The following ADAM12 variants were observed in gnomAD, a reference collection of about 807,000 sequenced individuals.
ADAM12 encodes the protein disintegrin and metalloproteinase domain-containing protein 12.
In ADAM12, 70 loss-of-function variants were observed where a neutral mutation model predicts 106.4. The ratio of observed to expected loss-of-function variants is 0.66; its 90% CI spans 0.54 to 0.80. ADAM12 has a LOEUF of 0.80. Ranked by LOEUF, ADAM12 falls within the 30% of genes least tolerant of loss-of-function variation. ADAM12 has a pLI of 0.00. For missense variants in ADAM12, 1,010 were observed against 1,171.9 expected (o/e 0.86, Z 2.02); for synonymous variants, 420 against 433.5 (o/e 0.97, Z 0.39).
chr10:126,171,932 G>C (rs1957127385), intron 3 of ADAM12, among the ~76,000 whole-genome samples: 2 of 152,204 alleles, frequency 1.3e-5, no homozygotes, highest in Admixed American at 6.5e-5. Flanking sequence ...ACATGCTCCA[G>C]AAAGGAGTTC....
chr10:126,055,995 G>T (rs960397819), intron 14 of ADAM12, among the ~76,000 whole-genome samples: 1 of 152,188 alleles, frequency 6.6e-6, no homozygotes, highest in African/African-American at 2.4e-5. Context: ...GAAAAATTCG[G>T]AGTAGAATGA....
At chr10:126,135,156 G>A (rs1956381847) in intron 5 of ADAM12, among the ~76,000 whole-genome samples, 1 of 152,206 alleles carries the variant, frequency 6.6e-6, no homozygotes, top group South Asian at 2.1e-4. Context: ...TGCTAAATTA[G>A]TTTCCTTACT....
intron 2 of ADAM12, among the ~76,000 whole-genome samples, chr10:126,327,044 TGCCTGAG>T (rs1432228074): frequency 6.6e-6 from 1 of 152,202 alleles, no homozygotes; most frequent in Non-Finnish European, 1.5e-5. Context: ...GTGACCAGGC[TGCCTGAG>T]GTCACAGGGG....
In ADAM12 at chr10:126,283,612, A is replaced by G. The variant is rs1959696643; in HGVS notation, c.187-4624T>C. Among the ~76,000 whole-genome samples, 2 of 152,120 alleles carry G rather than the reference A, an allele frequency of 1.3e-5. 1 individual carries two copies. Among genetic ancestry groups the G allele is most frequent in the Admixed American group, 1.3e-4 (2 of 15,274 alleles). ...ACATTTGATTTTCTTCTCCTGTGAAATACTTGCTCATGTTTTCTGACCATT... is the reference window on the plus strand; with the variant it reads ...ACATTTGATTTTCTTCTCCTGTGAAGTACTTGCTCATGTTTTCTGACCATT... On this transcript the variant is annotated intron_variant, in intron 2 of 22. Coordinates refer to ENST00000448723, the MANE Select transcript of ADAM12 (RefSeq NM_001288973.2).
chr10:126,033,277 C>T (rs1027216438), intron 21 of ADAM12, among the ~76,000 whole-genome samples: 1 of 151,948 alleles, frequency 6.6e-6, no homozygotes, highest in East Asian at 1.9e-4. Flanking sequence ...GGCCAGTTTG[C>T]CAGCATACCA....
intron 4 of ADAM12, among the ~76,000 whole-genome samples, chr10:126,147,735 C>A (rs981654391): frequency 2.6e-5 from 4 of 152,296 alleles, no homozygotes; most frequent in Non-Finnish European, 4.4e-5. Flanking sequence ...TGCACTTAGC[C>A]CAGATGTTAA....
intron 3 of ADAM12, among the ~76,000 whole-genome samples, chr10:126,179,924 C>CAGAA (rs1957283606): frequency 6.6e-6 from 1 of 152,104 alleles, no homozygotes; most frequent in Non-Finnish European, 1.5e-5. Context: ...CAATGCTTCT[C>CAGAA]CTAAGTCTTC....
chr10:126,292,866 T>G (rs890460872), intron 2 of ADAM12, among the ~76,000 whole-genome samples: 2 of 152,096 alleles, frequency 1.3e-5, no homozygotes, highest in Non-Finnish European at 2.9e-5. Context: ...GTAAAAAAAA[T>G]AAAAATAAAA....
chr10:126,346,491 AT>A, intron 1 of ADAM12, among the ~76,000 whole-genome samples: 1 of 152,286 alleles, frequency 6.6e-6, no homozygotes, highest in Admixed American at 6.5e-5. Flanking sequence ...AGAAGAATGT[AT>A]ATTCTGTTGG....
At chr10:126,354,774 A>G (rs917731268) in intron 1 of ADAM12, among the ~76,000 whole-genome samples, 8 of 151,466 alleles carry the variant, frequency 5.3e-5, no homozygotes, top group African/African-American at 1.9e-4. Context: ...AGAACTGACT[A>G]TGGCAAGATT....
At position 126,110,443 on chromosome 10, in the gene ADAM12, C is replaced by T. The variant is rs115168453; in HGVS notation, c.604-603G>A. Among the ~76,000 whole-genome samples the T allele has an allele frequency of 8.0e-3, 1,199 of 150,680 alleles. 15 individuals are homozygous for T. The highest frequency in any genetic ancestry group is 0.027 in the African/African-American group (1,115 of 40,938). On this transcript the variant is annotated intron_variant, in intron 6 of 22. Transcript: ENST00000448723. ...GGTGGTCTGGAGAAAAGGAAACTGT[C>T]AGACTAATGAACAGAGAAGTGAGAA...
chr10:126,108,880 C>G (rs1390355960), intron 7 of ADAM12, among the ~76,000 whole-genome samples: 1 of 152,200 alleles, frequency 6.6e-6, no homozygotes, highest in Non-Finnish European at 1.5e-5. Context: ...GCTCTCAAGA[C>G]AGCAACTTCT....
At chr10:126,199,473 C>T (rs1957657322) in intron 3 of ADAM12, among the ~76,000 whole-genome samples, 3 of 152,194 alleles carry the variant, frequency 2.0e-5, no homozygotes, top group Non-Finnish European at 4.4e-5. Flanking sequence ...GCAGCCCCTC[C>T]TGGCCTCCAG....
intron 2 of ADAM12, among the ~76,000 whole-genome samples, chr10:126,291,379 A>G (rs72828728): frequency 0.048 from 7,258 of 152,364 alleles, 247 homozygotes; most frequent in Admixed American, 0.11. Context: ...AGGCACCGCA[A>G]GTCACTATGT....
At chr10:126,340,842 G>A (rs540186965) in intron 1 of ADAM12, among the ~76,000 whole-genome samples, 1 of 151,210 alleles carries the variant, frequency 6.6e-6, no homozygotes, top group Admixed American at 6.6e-5. Context: ...TCAGCCTCCC[G>A]AGTAGCTGGG....
At chr10:126,380,038 A>G (rs545531889) in intron 1 of ADAM12, among the ~76,000 whole-genome samples, 1 of 152,300 alleles carries the variant, frequency 6.6e-6, no homozygotes, top group African/African-American at 2.4e-5. Flanking sequence ...AAGCTGTCCA[A>G]TTTTTTAAAT....
chr10:126,049,384 C>G lies in ADAM12; in HGVS notation c.1786G>C (p.Val596Leu). 6.2e-7 allele frequency: 1 copy of G among 1,614,202 alleles called. No homozygotes were observed. The highest frequency in any genetic ancestry group is 8.5e-7 in the Non-Finnish European group (1 of 1,180,046). ...ASRPVIGTNAVSIETNIPLQQ... is the reference protein window; with the variant it reads ...ASRPVIGTNALSIETNIPLQQ... ...AGGGGGATGTTTGTTTCTATGGAAACGGCATTGGTACCAATGACTGGCCGG... is the reference window on the plus strand; with the variant it reads ...AGGGGGATGTTTGTTTCTATGGAAAGGGCATTGGTACCAATGACTGGCCGG... The change falls in exon 16 of 23, where the codon GTT becomes CTT. Residue 596 changes from valine (V) to leucine (L), a missense_variant. Transcript: ENST00000448723. The surrounding 1 kb of genome is among the most constrained non-coding windows in gnomAD (Gnocchi z 4.4).
intron 11 of ADAM12, among the ~76,000 whole-genome samples, chr10:126,080,472 G>A (rs1955190059): frequency 6.6e-6 from 1 of 152,186 alleles, no homozygotes; most frequent in South Asian, 2.1e-4. Flanking sequence ...AAGCCCTTTA[G>A]CACGATCCTT....
rs543515471 is a variant in ADAM12, at chr10:126,265,133, G to A, written c.260+13782C>T. Among the ~76,000 whole-genome samples the A allele has an allele frequency of 2.0e-5, 3 of 152,266 alleles. No individual in the cohort carries two copies. In the East Asian group the frequency reaches 5.8e-4, roughly 29 times the overall value. On this transcript the variant is annotated intron_variant, in intron 3 of 22. Transcript: ENST00000448723. The stretch of plus-strand genomic sequence containing the variant: ...TCCCCACAGAACCTTTTACAAATGT[G>A]GACCCTCAGCAGGGGGCTGTGCAGC...
Sources: gnomAD v4.1 joint callset for allele counts (sites outside exome capture counted in the v4.1 genomes callset) on GRCh38, gnomAD v4.1.1 for gene constraint, Gnocchi (gnomAD v3.1) non-coding constraint, MANE v1.5 for transcripts, NCBI Gene and HGNC (gene_info 2026-07-23, HGNC 2026-07-21) for gene names.